Variants in TXLNA observed in about 807,000 individuals in gnomAD.
TXLNA encodes the protein taxilin alpha.
Under a neutral mutation model 61.4 loss-of-function variants are expected in TXLNA, and 9 were observed. The ratio of observed to expected loss-of-function variants is 0.15; its 90% CI spans 0.09 to 0.26. TXLNA has a LOEUF of 0.26. Ranked by LOEUF, TXLNA falls within the 10% of genes least tolerant of loss-of-function variation. The pLI is 1.00. For missense variants in TXLNA, 565 were observed against 688.8 expected (o/e 0.82, Z 2.01); for synonymous variants, 257 against 267.7 (o/e 0.96, Z 0.39).
chr1:32,183,139 A>G (rs867806253), intron 3 of TXLNA, among the ~76,000 whole-genome samples: 2 of 150,138 alleles, frequency 1.3e-5, no homozygotes, highest in African/African-American at 2.4e-5. Context: ...CCCACCCCCA[A>G]CTGAGATGGA....
chr1:32,181,204 T>G (rs376934596), intron 2 of TXLNA, 38 bp from the exon 3 acceptor site: 20 of 1,486,244 alleles, frequency 1.3e-5, no homozygotes, highest in Non-Finnish European at 1.8e-5. Flanking sequence ...TATAATCGTC[T>G]TCTTTCTCAC....
rs1186759351 is a variant in TXLNA at position 32,187,855 on chromosome 1, G to A, written c.598-99G>A. The A allele has an allele frequency of 2.2e-6, 3 of 1,341,354 alleles. No individual in the cohort carries two copies. The African/African-American group carries it at 4.4e-5, about 20-fold the overall frequency. The allele number at this position is 1,341,354 out of a possible 1,614,324, so 83.1% of individuals were successfully genotyped here. On this transcript the variant is annotated intron_variant, in intron 4 of 10. Coordinates refer to ENST00000373610, the MANE Select transcript of TXLNA (RefSeq NM_175852.4). ...GAGTGCTCCTGGCCTGAGAGGGTAA[G>A]GGTCAGGGCAGCTCAGGAGACCCTA... is the stretch of plus-strand genomic sequence containing the variant.
rs752626760 is a variant in TXLNA at position 32,187,926 on chromosome 1, C to T, written c.598-28C>T. 12 of 1,606,816 alleles carry T rather than the reference C, an allele frequency of 7.5e-6. No homozygotes were observed. In the Admixed American group the frequency reaches 1.7e-4, roughly 22 times the overall value. On this transcript the variant is annotated intron_variant, in intron 4 of 10. Transcript: ENST00000373610. ...CACCAGGAAGGCCCCACAAGATGCT[C>T]ACCTGCCCTCCCTATCCCTGTCCCC...
At chr1:32,191,793 C>G (rs1013950371) in intron 6 of TXLNA, among the ~76,000 whole-genome samples, 3 of 152,262 alleles carry the variant, frequency 2.0e-5, no homozygotes, top group Non-Finnish European at 2.9e-5. Flanking sequence ...GAGTCCTTCA[C>G]CTTCTCTCCA....
Position 32,190,103 on chromosome 1 carries a change from G to T in TXLNA, c.817G>T (p.Val273Leu). The T allele has an allele frequency of 6.3e-7, 1 of 1,592,372 alleles. No homozygotes were observed. The highest frequency in any genetic ancestry group is 8.5e-7 in the Non-Finnish European group (1 of 1,169,718). The change falls in exon 6 of 11, where the codon GTG (valine) becomes TTG (leucine). Residue 273 changes from valine to leucine, a missense_variant. Physicochemically the swap from Val to Leu is conservative, Grantham distance 32 (BLOSUM62 1). This residue lies in a region of TXLNA where 373 missense variants were observed against 504.0 expected (regional missense o/e 0.74). Transcript: ENST00000373610. Reference protein sequence around the residue: ...AREEEEKRKEVTSHFQVTLND... With the variant: ...AREEEEKRKELTSHFQVTLND... ...GGAGGAGGAGGAGAAGCGCAAGGAG[G>T]TGACCTCGCACTTCCAGGTGACACT... is the stretch of plus-strand genomic sequence containing the variant.
rs1239533452 is a variant in TXLNA, at chr1:32,187,966, C to T, written c.610C>T (p.Arg204Trp). ...TCCCTGTCCCCAGCTGGAGGAGCACCGGAATTCACAGAAGCAGATGAAGCT... is the reference window on the plus strand; with the variant it reads ...TCCCTGTCCCCAGCTGGAGGAGCACTGGAATTCACAGAAGCAGATGAAGCT... ...KKYAELLEEH[R>W]NSQKQMKLLQ... is the part of the protein sequence containing the mutation. Residue 204 changes from arginine to tryptophan, a missense_variant, in exon 5 of 11, where the codon CGG (arginine) becomes TGG (tryptophan). Arg to Trp is a moderately radical substitution (Grantham distance 101). Around this residue, in one of 2 missense-constraint regions of TXLNA, gnomAD observed 373 missense variants for 504.0 expected, o/e 0.74. Transcript: ENST00000373610. 3 of 1,613,586 alleles carry T rather than the reference C, an allele frequency of 1.9e-6. No homozygotes were observed. Among genetic ancestry groups the T allele is most frequent in the Admixed American group, 3.3e-5 (2 of 59,956 alleles).
chr1:32,185,415 C>T (rs56249035), intron 4 of TXLNA, among the ~76,000 whole-genome samples: 13,671 of 151,668 alleles, frequency 0.09, 824 homozygotes, highest in South Asian at 0.25. Context: ...TTTTTTGAGA[C>T]GGGGTCTTGC....
chr1:32,193,745 C>T (rs897675942), intron 9 of TXLNA, among the ~76,000 whole-genome samples: 18 of 151,100 alleles, frequency 1.2e-4, no homozygotes, highest in Non-Finnish European at 2.5e-4. Context: ...TTAGTAGAGA[C>T]GGGGTTTCAC....
chr1:32,194,332 A>C (rs997440515), intron 10 of TXLNA, among the ~76,000 whole-genome samples, 172 bp downstream of exon 10: 4 of 152,206 alleles, frequency 2.6e-5, no homozygotes, highest in African/African-American at 9.7e-5. Flanking sequence ...GGAGGTGGTG[A>C]GCCCAGTGGT....
In TXLNA at chr1:32,192,221, C is replaced by A. The variant is rs1295310978; in HGVS notation, c.964-90C>A. On this transcript the variant is annotated intron_variant, in intron 6 of 10. Transcript: ENST00000373610. The surrounding 1 kb of genome is among the most constrained non-coding windows in gnomAD (Gnocchi z 4.2). The stretch of plus-strand genomic sequence containing the variant: ...CATCATATCAGATTGAGATGGGGGG[C>A]TGGGCAAAGTGCCCTGGTCTGTGGC... The A allele has an allele frequency of 2.2e-5, 34 of 1,550,894 alleles. No individual in the cohort carries two copies. The highest frequency in any genetic ancestry group is 3.0e-5 in the Non-Finnish European group (34 of 1,140,656).
At position 32,194,896 on chromosome 1, in the gene TXLNA, C is replaced by G; in HGVS notation, c.1348-6C>G. ...ACGGCACTGAAGGTCTCATTTCTTT[C>G]CCTAGAAAACAGTCCGGGATAAAGA... On this transcript the variant is annotated splice_polypyrimidine_tract_variant and splice_region_variant and intron_variant, in intron 10 of 10. Transcript: ENST00000373610. 5 of 1,595,130 alleles carry G rather than the reference C, an allele frequency of 3.1e-6. No individual in the cohort carries two copies. In the South Asian group the frequency reaches 4.5e-5, roughly 14 times the overall value.
Position 32,192,416 on chromosome 1 carries a change from C to T in TXLNA, c.1069C>T (p.Arg357Trp), listed in dbSNP as rs1642926844. Residue 357 changes from arginine to tryptophan, a missense_variant, in exon 7 of 11, where the codon CGG becomes TGG. By Grantham distance (101) the Arg-to-Trp change is moderately radical. This residue lies in a region of TXLNA where 373 missense variants were observed against 504.0 expected (regional missense o/e 0.74). Coordinates refer to ENST00000373610, the MANE Select transcript of TXLNA (RefSeq NM_175852.4). The surrounding 1 kb of genome is among the most constrained non-coding windows in gnomAD (Gnocchi z 4.2). ...AAAGGAGGCAGAAGAGCGGCACCAG[C>T]GGGAGAAGGATTTTGTGAGGCTCAG... ...MLKEAEERHQ[R>W]EKDFLLKEAV... is the part of the protein sequence containing the mutation. 1.2e-6 allele frequency: 2 copies of T among 1,613,146 alleles called. No homozygotes were observed. Among genetic ancestry groups the T allele is most frequent in the East Asian group, 2.2e-5 (1 of 44,800 alleles).
At chr1:32,194,210 T>C (rs766154052) in intron 10 of TXLNA, 50 bp downstream of exon 10, 4 of 1,460,154 alleles carry the variant, frequency 2.7e-6, no homozygotes, top group Non-Finnish European at 3.8e-6. Flanking sequence ...ACTTAGCGCA[T>C]ATCAGGCCCT....
chr1:32,182,507 C>T (rs1642686540), intron 3 of TXLNA, among the ~76,000 whole-genome samples: 1 of 149,026 alleles, frequency 6.7e-6, no homozygotes, highest in Admixed American at 6.6e-5. Context: ...ACTAAAAATA[C>T]AAAAATTAGC....
chr1:32,195,982 TTTTTTTTTTTCTTTTTC>T lies in TXLNA; in HGVS notation c.*798_*814del, dbSNP rs1643015912. 3 of 193,952 alleles carry T rather than the reference TTTTTTTTTTTCTTTTTC, an allele frequency of 1.5e-5. No homozygotes were observed. 12.0% of individuals were successfully genotyped at this position (193,952 alleles called of 1,614,324 possible). On this transcript the variant is annotated 3_prime_UTR_variant, in exon 11 of 11. Coordinates refer to ENST00000373610, the MANE Select transcript of TXLNA (RefSeq NM_175852.4). ...TTTTTTCTTTATTTCTTTTTCTTTT[TTTTTTTTTTTCTTTTTC>T]TTTTTTTTTTGCACATGACAGTGTT...
intron 6 of TXLNA, among the ~76,000 whole-genome samples, chr1:32,191,755 A>G (rs1159865930): frequency 1.3e-5 from 2 of 152,228 alleles, no homozygotes; most frequent in East Asian, 3.8e-4. Context: ...CAGCAAGTCC[A>G]GTTGATTTTA....
chr1:32,190,926 C>G (rs1031793679), intron 6 of TXLNA, among the ~76,000 whole-genome samples: 1 of 152,098 alleles, frequency 6.6e-6, no homozygotes, highest in Non-Finnish European at 1.5e-5. Context: ...AACCCTGTCT[C>G]TACTAAAAAT....
At position 32,190,238 on chromosome 1, in the gene TXLNA, C is replaced by G. The variant is rs151231458; in HGVS notation, c.952C>G (p.Leu318Val). Residue 318 changes from leucine (L) to valine (V), a missense_variant, in exon 6 of 11, where the codon CTG (leucine) becomes GTG (valine). Transcript: ENST00000373610. ...RLKKLIEQYE[L>V]REEHIDKVFK... Reference sequence around the variant, plus strand: ...CAAGAAGCTGATTGAGCAGTATGAGCTGCGCGAGGAGGTAAGGGTATCACG... The same window carrying G: ...CAAGAAGCTGATTGAGCAGTATGAGGTGCGCGAGGAGGTAAGGGTATCACG... The G allele has an allele frequency of 1.2e-6, 2 of 1,601,316 alleles. No individual in the cohort carries two copies. Among genetic ancestry groups the G allele is most frequent in the Non-Finnish European group, 1.7e-6 (2 of 1,172,796 alleles).
At chr1:32,190,825 G>A (rs1223756014) in intron 6 of TXLNA, among the ~76,000 whole-genome samples, 1 of 152,208 alleles carries the variant, frequency 6.6e-6, no homozygotes, top group Non-Finnish European at 1.5e-5. Context: ...GGGCGTGGTG[G>A]CTCATGCCTG....
Sources: gnomAD v4.1 joint callset for allele counts (sites outside exome capture counted in the v4.1 genomes callset) on GRCh38, gnomAD v4.1.1 for gene constraint, gnomAD v4.1.1 regional missense constraint, Gnocchi (gnomAD v3.1) non-coding constraint, MANE v1.5 for transcripts, NCBI Gene and HGNC (gene_info 2026-07-23, HGNC 2026-07-21) for gene names.